Variants in CDC14B observed in about 807,000 individuals in gnomAD.
CDC14B encodes the protein dual specificity protein phosphatase CDC14B.
Under a neutral mutation model 64.2 loss-of-function variants are expected in CDC14B, and 22 were observed. The observed-to-expected ratio is 0.34, with a 90% CI of 0.24 to 0.49. The LOEUF (loss-of-function observed/expected upper bound fraction) is 0.49, where lower values mean the gene tolerates loss of function less well. Among genes scored for constraint, CDC14B ranks in the 20% least tolerant of loss-of-function variants. The pLI is 0.99. For missense variants in CDC14B, 498 were observed against 629.9 expected, an observed-to-expected ratio of 0.79 and a Z score of 2.24; for synonymous variants, 191 against 215.8, an observed-to-expected ratio of 0.89 and a Z score of 1.01.
At chr9:96,539,036 C>A (rs1456243469) in intron 7 of CDC14B, 42 bp downstream of exon 7, 2 of 1,251,466 alleles carry the variant, frequency 1.6e-6, no homozygotes, top group Non-Finnish European at 2.3e-6. Context: ...TAAAGCTGGG[C>A]GGGGGGAGGA....
chr9:96,504,258 A>C (rs926415667), intron 13 of CDC14B, among the ~76,000 whole-genome samples: 5 of 151,960 alleles, frequency 3.3e-5, no homozygotes, highest in Admixed American at 2.0e-4. Context: ...CTGGCACCTA[A>C]GCGGCTTCCA....
chr9:96,606,325 T>A lies in CDC14B; in HGVS notation c.160+12894A>T, dbSNP rs1381613675. Among the ~76,000 whole-genome samples, 5 of 85,240 alleles carry A rather than the reference T, an allele frequency of 5.9e-5. No homozygotes were observed. In the East Asian group the frequency reaches 1.2e-3, roughly 20 times the overall value. 55.9% of individuals were successfully genotyped at this position (85,240 alleles called of 152,430 possible). A position where few individuals can be genotyped will look rare whatever the true frequency, so the allele number is the denominator to read the frequency against. The stretch of plus-strand genomic sequence containing the variant: ...TCCAGCCTGGGGAACAGGGCAAGAC[T>A]CCATCTCAAAAAAAAAAAAAAAAAA... On this transcript the variant is annotated intron_variant, in intron 1 of 13. Coordinates refer to ENST00000375241, the MANE Select transcript of CDC14B (RefSeq NM_033331.4).
intron 1 of CDC14B, among the ~76,000 whole-genome samples, chr9:96,593,730 T>C (rs887333661): frequency 1.3e-5 from 2 of 152,056 alleles, no homozygotes; most frequent in African/African-American, 4.8e-5. Flanking sequence ...TATGTAAAGA[T>C]ATTAAAAGGC....
At chr9:96,583,757 CG>C (rs1291311660) in intron 1 of CDC14B, among the ~76,000 whole-genome samples, 1 of 147,518 alleles carries the variant, frequency 6.8e-6, no homozygotes, top group African/African-American at 2.5e-5. Context: ...CTCGCTCTGT[CG>C]CCCAGGCTGG....
Position 96,566,801 on chromosome 9 carries a change from C to A in CDC14B, c.161-1318G>T, listed in dbSNP as rs367792807. ...ACCTCGGCTACCAAAGCTGCCCCCG[C>A]GCCCTCCCGGCTCATGACTCCAAAG... On this transcript the variant is annotated intron_variant, in intron 1 of 13. Transcript: ENST00000375241. 125 of 1,606,850 alleles carry A rather than the reference C, an allele frequency of 7.8e-5. No homozygotes were observed. In the African/African-American group the frequency reaches 1.6e-3, roughly 20 times the overall value.
chr9:96,503,816 A>C (rs775308991), intron 13 of CDC14B, 27 bp from the exon 14 acceptor site: 25 of 1,604,220 alleles, frequency 1.6e-5, no homozygotes, highest in Admixed American at 3.4e-5. Context: ...AAGGATTTTT[A>C]CCAGAAAGTT....
intron 4 of CDC14B, among the ~76,000 whole-genome samples, chr9:96,556,835 T>TAGA (rs1273417557): frequency 2.0e-5 from 3 of 152,164 alleles, no homozygotes; most frequent in African/African-American, 7.2e-5. Context: ...TATAATGCTC[T>TAGA]GTGAGTTTCA....
chr9:96,513,861 G>C (rs948262112), intron 12 of CDC14B, among the ~76,000 whole-genome samples: 1 of 152,190 alleles, frequency 6.6e-6, no homozygotes, highest in African/African-American at 2.4e-5. Context: ...TGCATAACAG[G>C]AGCTTTTCAC....
intron 1 of CDC14B, among the ~76,000 whole-genome samples, chr9:96,610,098 T>TACACACAC (rs570379220): frequency 6.7e-6 from 1 of 149,570 alleles, no homozygotes; most frequent in African/African-American, 2.4e-5. Flanking sequence ...GATATATAGA[T>TACACACAC]ACACACACAC....
At chr9:96,578,081 A>C (rs1418952778) in intron 1 of CDC14B, among the ~76,000 whole-genome samples, 1 of 152,224 alleles carries the variant, frequency 6.6e-6, no homozygotes, top group African/African-American at 2.4e-5. Flanking sequence ...TTTTAAGAAA[A>C]GGGGGTGGGA....
chr9:96,599,743 T>C (rs1846310149), intron 1 of CDC14B, among the ~76,000 whole-genome samples: 1 of 152,138 alleles, frequency 6.6e-6, no homozygotes, highest in African/African-American at 2.4e-5. Flanking sequence ...TTTCTTTTGT[T>C]TTCTTTTTTT....
chr9:96,573,184 G>A (rs1270354969), intron 1 of CDC14B, among the ~76,000 whole-genome samples: 5 of 152,196 alleles, frequency 3.3e-5, no homozygotes, highest in South Asian at 4.2e-4. Context: ...GGTGGCCCGC[G>A]CCTGTAATCC....
chr9:96,540,951 T>C (rs1839969747), intron 6 of CDC14B, among the ~76,000 whole-genome samples: 1 of 152,224 alleles, frequency 6.6e-6, no homozygotes, highest in Admixed American at 6.5e-5. Context: ...GAAAAAAGTA[T>C]ATCAATTAGT....
intron 9 of CDC14B, 118 bp downstream of exon 9, chr9:96,533,809 A>G (rs1331375458): frequency 3.4e-6 from 2 of 583,778 alleles, no homozygotes; most frequent in Admixed American, 3.7e-5. Flanking sequence ...GTTTCACGGC[A>G]CTCTAAAAAT....
chr9:96,549,938 T>C (rs370517447), intron 5 of CDC14B, among the ~76,000 whole-genome samples: 64 of 152,328 alleles, frequency 4.2e-4, no homozygotes, highest in Admixed American at 5.2e-4. Flanking sequence ...ACATCAACAG[T>C]GTTCCATGGA....
At chr9:96,540,696 T>G (rs2131845631) in intron 6 of CDC14B, among the ~76,000 whole-genome samples, 1 of 152,210 alleles carries the variant, frequency 6.6e-6, no homozygotes, top group Non-Finnish European at 1.5e-5. Context: ...CTTTTCTCTT[T>G]TTAAAGGTGA....
chr9:96,579,290 T>A (rs1374996247), intron 1 of CDC14B, among the ~76,000 whole-genome samples: 1 of 151,920 alleles, frequency 6.6e-6, no homozygotes. Context: ...GATATCCTTA[T>A]AAGATGAGAG....
intron 9 of CDC14B, among the ~76,000 whole-genome samples, chr9:96,532,137 T>C (rs1439621989): frequency 1.3e-5 from 2 of 152,258 alleles, no homozygotes; most frequent in Non-Finnish European, 2.9e-5. Flanking sequence ...TTACAAATTA[T>C]CTCGTTACGA....
rs1213708742 is a variant in CDC14B at position 96,501,758 on chromosome 9, C to T, written c.*1995G>A. ...ATAAAATGAAAAAGGGCTGTGGTTC[C>T]AGTGACACCCTTTCTTTTCTTGGAC... On this transcript the variant is annotated 3_prime_UTR_variant, in exon 14 of 14. Transcript: ENST00000375241. 1 of 152,206 alleles carries T rather than the reference C, an allele frequency of 6.6e-6. No homozygotes were observed. Among genetic ancestry groups the T allele is most frequent in the Non-Finnish European group, 1.5e-5 (1 of 68,036 alleles). 9.4% of individuals were successfully genotyped at this position (152,206 alleles called of 1,614,324 possible).
Sources: gnomAD v4.1 joint callset for allele counts (sites outside exome capture counted in the v4.1 genomes callset) on GRCh38, gnomAD v4.1.1 for gene constraint, MANE v1.5 for transcripts, NCBI Gene and HGNC (gene_info 2026-07-23, HGNC 2026-07-21) for gene names.